Variants in LHFPL3 observed in about 807,000 individuals in gnomAD.
The protein encoded by LHFPL3 is LHFPL tetraspan subfamily member 3, also known as LHFPL tetraspan subfamily member 3 protein.
A neutral mutation model predicts 19.3 loss-of-function variants in LHFPL3; 5 were observed. The ratio of observed to expected loss-of-function variants is 0.26; its 90% CI spans 0.14 to 0.54. LHFPL3 has a LOEUF of 0.54. Ranked by LOEUF, LHFPL3 falls within the 20% of genes least tolerant of loss-of-function variation. The pLI is 0.94. For missense variants in LHFPL3, 249 were observed against 307.4 expected, an observed-to-expected ratio of 0.81 and a Z score of 1.42; for synonymous variants, 133 against 126.2, an observed-to-expected ratio of 1.05 and a Z score of -0.36.
At chr7:104,829,248 G>C (rs565658297) in intron 2 of LHFPL3, among the ~76,000 whole-genome samples, 6 of 151,908 alleles carry the variant, frequency 3.9e-5, no homozygotes, top group Non-Finnish European at 8.8e-5. Context: ...GCAGAAATGG[G>C]GGCATATAAA....
intron 1 of LHFPL3, among the ~76,000 whole-genome samples, chr7:104,464,052 A>G (rs1168875459): frequency 6.6e-6 from 1 of 152,230 alleles, no homozygotes; most frequent in Non-Finnish European, 1.5e-5. Context: ...CCTAGATACA[A>G]TGGGGTACAG....
chr7:104,389,507 A>G (rs76047540), intron 1 of LHFPL3, among the ~76,000 whole-genome samples: 1 of 152,092 alleles, frequency 6.6e-6, no homozygotes, highest in African/African-American at 2.4e-5. Flanking sequence ...GTGGAAATCA[A>G]CAAGTTGATT....
chr7:104,715,269 AC>A, intron 1 of LHFPL3, among the ~76,000 whole-genome samples: 1 of 152,266 alleles, frequency 6.6e-6, no homozygotes, highest in Non-Finnish European at 1.5e-5. Flanking sequence ...TGAGTCTGAT[AC>A]CCCCTTGAGT....
rs1328298315 is a variant in LHFPL3, at chr7:104,547,108, C to A, written c.446-189567C>A. Among the ~76,000 whole-genome samples, 2 of 77,094 alleles carry A rather than the reference C, an allele frequency of 2.6e-5. 1 individual carries two copies. Among genetic ancestry groups the A allele is most frequent in the Non-Finnish European group, 5.7e-5 (2 of 35,282 alleles). 50.6% of individuals were successfully genotyped at this position (77,094 alleles called of 152,430 possible). ...AAAATTAGCCGGGCGCGGTGGCGGGCGCCTGTAGTCCCAGCTACTCGGGAG... is the reference window on the plus strand; with the variant it reads ...AAAATTAGCCGGGCGCGGTGGCGGGAGCCTGTAGTCCCAGCTACTCGGGAG... On this transcript the variant is annotated intron_variant, in intron 1 of 2. Coordinates refer to ENST00000424859, the MANE Select transcript of LHFPL3 (RefSeq NM_199000.3).
chr7:104,372,568 A>G (rs1015184196), intron 1 of LHFPL3, among the ~76,000 whole-genome samples: 1 of 152,208 alleles, frequency 6.6e-6, no homozygotes, highest in Non-Finnish European at 1.5e-5. Flanking sequence ...TCAAAAGAAA[A>G]GGTCTAATGG....
chr7:104,829,537 G>A lies in LHFPL3; in HGVS notation c.683-76650G>A, dbSNP rs567864770. ...GATGTTCCCCTTCCTGTGTCCAGGT[G>A]TTCTCATTGTTCAGTTCCCACCTAT... On this transcript the variant is annotated intron_variant, in intron 2 of 2. Coordinates refer to ENST00000424859, the MANE Select transcript of LHFPL3 (RefSeq NM_199000.3). Among the ~76,000 whole-genome samples the A allele has an allele frequency of 4.0e-5, 6 of 151,664 alleles. No homozygotes were observed. The East Asian group carries it at 1.2e-3, about 29-fold the overall frequency.
intron 1 of LHFPL3, among the ~76,000 whole-genome samples, chr7:104,692,566 C>CA (rs1792923836): frequency 6.6e-6 from 1 of 152,246 alleles, no homozygotes; most frequent in Non-Finnish European, 1.5e-5. Context: ...GAGGGCGGTG[C>CA]CCTTTGTCCC....
intron 1 of LHFPL3, among the ~76,000 whole-genome samples, chr7:104,617,358 A>G (rs930616568): frequency 6.6e-6 from 1 of 152,160 alleles, no homozygotes; most frequent in Admixed American, 6.6e-5. Context: ...CACAAGATAA[A>G]GTCTTTCATA....
chr7:104,872,174 TA>T (rs1362408467), intron 2 of LHFPL3, among the ~76,000 whole-genome samples: 1 of 150,424 alleles, frequency 6.6e-6, no homozygotes, highest in Admixed American at 6.6e-5. Context: ...CCATCTCTAC[TA>T]AAAATACAAA....
intron 1 of LHFPL3, among the ~76,000 whole-genome samples, chr7:104,601,888 A>G (rs1790975745): frequency 6.6e-6 from 1 of 152,136 alleles, no homozygotes; most frequent in Admixed American, 6.5e-5. Context: ...TGCTCACTCC[A>G]TCTTCAGCAA....
At chr7:104,635,194 T>C (rs927434665) in intron 1 of LHFPL3, among the ~76,000 whole-genome samples, 1 of 151,556 alleles carries the variant, frequency 6.6e-6, no homozygotes, top group Admixed American at 6.6e-5. Context: ...GAAAATAGAG[T>C]GTCAATCCAG....
At chr7:104,398,226 C>T (rs1182246388) in intron 1 of LHFPL3, among the ~76,000 whole-genome samples, 3 of 152,210 alleles carry the variant, frequency 2.0e-5, no homozygotes, top group Admixed American at 2.0e-4. Context: ...TCATGGTACT[C>T]TTTCCACTTG....
At chr7:104,665,469 A>G (rs1169428932) in intron 1 of LHFPL3, among the ~76,000 whole-genome samples, 1 of 152,212 alleles carries the variant, frequency 6.6e-6, no homozygotes, top group Non-Finnish European at 1.5e-5. Context: ...TTTAACTATT[A>G]AAAAATTCCA....
At chr7:104,598,531 C>G (rs1017222724) in intron 1 of LHFPL3, among the ~76,000 whole-genome samples, 1 of 152,192 alleles carries the variant, frequency 6.6e-6, no homozygotes, top group Non-Finnish European at 1.5e-5. Context: ...GAGCAAAGTT[C>G]ATGGCCAGAG....
At chr7:104,821,597 C>A (rs938264439) in intron 2 of LHFPL3, among the ~76,000 whole-genome samples, 1 of 152,128 alleles carries the variant, frequency 6.6e-6, no homozygotes, top group Admixed American at 6.5e-5. Flanking sequence ...AGACAAAGAT[C>A]GGACCCTTTT....
intron 2 of LHFPL3, among the ~76,000 whole-genome samples, chr7:104,843,673 G>A (rs1423839448): frequency 6.6e-6 from 1 of 152,142 alleles, no homozygotes; most frequent in East Asian, 1.9e-4. Context: ...TTAGAGGAGA[G>A]GGCCTGTACC....
intron 2 of LHFPL3, among the ~76,000 whole-genome samples, chr7:104,764,405 A>G (rs549895144): frequency 9.9e-5 from 15 of 152,248 alleles, no homozygotes; most frequent in East Asian, 7.7e-4. Context: ...TCTTGATCTC[A>G]GGTGATCCAC....
At chr7:104,539,463 T>C (rs1260961683) in intron 1 of LHFPL3, among the ~76,000 whole-genome samples, 1 of 152,194 alleles carries the variant, frequency 6.6e-6, no homozygotes, top group Non-Finnish European at 1.5e-5. Context: ...TAAAACTTAA[T>C]ACTTAATGGC....
At chr7:104,625,088 C>A (rs1370502630) in intron 1 of LHFPL3, among the ~76,000 whole-genome samples, 2 of 152,200 alleles carry the variant, frequency 1.3e-5, no homozygotes, top group African/African-American at 4.8e-5. Context: ...TTTCCCACTT[C>A]TAATTTATCA....
Sources: gnomAD v4.1 joint callset for allele counts (sites outside exome capture counted in the v4.1 genomes callset) on GRCh38, gnomAD v4.1.1 for gene constraint, MANE v1.5 for transcripts, NCBI Gene and HGNC (gene_info 2026-07-23, HGNC 2026-07-21) for gene names.